The following SGPP1 variants were observed in gnomAD, a reference collection of about 807,000 sequenced individuals.
SGPP1 encodes sphingosine-1-phosphate phosphatase 1.
SGPP1 carries 21 observed loss-of-function variants against 33.0 expected under a neutral mutation model. The observed-to-expected ratio is 0.64, with a 90% confidence interval of 0.45 to 0.92. SGPP1 has a LOEUF of 0.92. Among genes scored for constraint, SGPP1 ranks in the 40% least tolerant of loss-of-function variants. SGPP1 has a pLI of 0.00. For missense variants in SGPP1, 543 were observed against 589.4 expected (o/e 0.92, Z 0.81); for synonymous variants, 239 against 241.2 (o/e 0.99, Z 0.08).
At chr14:63,688,846 C>G (rs552186712) in intron 2 of SGPP1, among the ~76,000 whole-genome samples, 4 of 151,904 alleles carry the variant, frequency 2.6e-5, no homozygotes, top group Admixed American at 1.3e-4. Flanking sequence ...CTCGGCCTCC[C>G]GAGTAGCTGG....
Position 63,719,749 on chromosome 14 carries a change from A to G in SGPP1, c.684+7512T>C, listed in dbSNP as rs555818884. 3.4e-3 allele frequency among the ~76,000 whole-genome samples: 510 copies of G among 151,934 alleles called. 5 individuals are homozygous for G. Among genetic ancestry groups the G allele is most frequent in the African/African-American group, 0.011 (459 of 41,456 alleles). On this transcript the variant is annotated intron_variant, in intron 1 of 2. Transcript: ENST00000247225. ...TCCCTCTCTCTCTCTATATATATAT[A>G]GAATTAATTTATGTAAGGCATTTTT... is the stretch of plus-strand genomic sequence containing the variant.
chr14:63,726,568 T>C (rs1885884524), intron 1 of SGPP1, among the ~76,000 whole-genome samples: 2 of 152,224 alleles, frequency 1.3e-5, no homozygotes, highest in African/African-American at 4.8e-5. Flanking sequence ...CATGCATTTT[T>C]AGAGTTAATG....
At chr14:63,697,481 CATG>C (rs150665861) in intron 2 of SGPP1, among the ~76,000 whole-genome samples, 1,694 of 152,232 alleles carry the variant, frequency 0.011, 34 homozygotes, top group African/African-American at 0.038. Context: ...CCTTTATCTC[CATG>C]ATAATACATA....
intron 1 of SGPP1, among the ~76,000 whole-genome samples, chr14:63,717,760 GA>G (rs1555333327): frequency 6.6e-6 from 1 of 152,050 alleles, no homozygotes; most frequent in Non-Finnish European, 1.5e-5. Flanking sequence ...CAAAGCAGAA[GA>G]AATACAAAGA....
intron 1 of SGPP1, among the ~76,000 whole-genome samples, chr14:63,711,116 C>T (rs566947103): frequency 1.6e-3 from 247 of 151,280 alleles, no homozygotes; most frequent in Non-Finnish European, 3.2e-3. Context: ...CGGGTTCAAG[C>T]GATTCTCCTG....
rs779594886 is a variant in SGPP1, at chr14:63,727,959, CG to C, written c.-16del. Reference sequence around the variant, plus strand: ...CTCAGCGACATGATAACGGAACCCCCGGGAAGGCGGGCCGGCCTCCGGCGCA... The same window carrying C: ...CTCAGCGACATGATAACGGAACCCCCGGAAGGCGGGCCGGCCTCCGGCGCA... On this transcript the variant is annotated 5_prime_UTR_variant, in exon 1 of 3. Coordinates refer to ENST00000247225, the MANE Select transcript of SGPP1 (RefSeq NM_030791.4). The C allele has an allele frequency of 2.0e-6, 3 of 1,538,110 alleles. No individual in the cohort carries two copies. The highest frequency in any genetic ancestry group is 1.2e-5 in the South Asian group (1 of 85,024).
At chr14:63,707,557 T>C (rs1409141611) in intron 1 of SGPP1, among the ~76,000 whole-genome samples, 1 of 150,416 alleles carries the variant, frequency 6.6e-6, no homozygotes, top group African/African-American at 2.5e-5. Flanking sequence ...TTTTTTGAGA[T>C]GGAGTTTCTC....
In SGPP1 at chr14:63,686,291, T is replaced by G; in HGVS notation, c.1140A>C (p.Arg380Ser). The G allele has an allele frequency of 6.2e-7, 1 of 1,614,154 alleles. No homozygotes were observed. The highest frequency in any genetic ancestry group is 1.1e-5 in the South Asian group (1 of 91,076). The stretch of plus-strand genomic sequence containing the variant: ...GAATGGTGATCTTTTTCATTACATC[T>G]CTGATTATTAGTACAAATACCATCC... ...LIGMVFVLII[R>S]DVMKKITIPL... The change falls in exon 3 of 3, where the codon AGA becomes AGC. Residue 380 changes from arginine (R) to serine (S), a missense_variant. By Grantham distance (110) the Arg-to-Ser change is moderately radical (BLOSUM62 -1). Coordinates refer to ENST00000247225, the MANE Select transcript of SGPP1 (RefSeq NM_030791.4).
At chr14:63,713,233 C>A (rs1330352198) in intron 1 of SGPP1, among the ~76,000 whole-genome samples, 1 of 152,188 alleles carries the variant, frequency 6.6e-6, no homozygotes, top group Admixed American at 6.5e-5. Context: ...CCAAATCTGA[C>A]CCACTTTCAT....
intron 2 of SGPP1, among the ~76,000 whole-genome samples, chr14:63,691,079 T>C (rs1008530811): frequency 6.6e-6 from 1 of 152,254 alleles, no homozygotes; most frequent in Non-Finnish European, 1.5e-5. Flanking sequence ...TCTCCTATTG[T>C]ACAATAGTAA....
At chr14:63,699,099 C>G (rs1490755499) in intron 1 of SGPP1, among the ~76,000 whole-genome samples, 1 of 152,214 alleles carries the variant, frequency 6.6e-6, no homozygotes, top group Admixed American at 6.5e-5. Context: ...TCATCAGTGA[C>G]TGCTATCTCC....
At chr14:63,720,963 A>G (rs1029175014) in intron 1 of SGPP1, among the ~76,000 whole-genome samples, 1 of 152,024 alleles carries the variant, frequency 6.6e-6, no homozygotes, top group African/African-American at 2.4e-5. Flanking sequence ...GGTTCAAGCA[A>G]CCTCTGCCTC....
chr14:63,723,875 T>G (rs1338868418), intron 1 of SGPP1, among the ~76,000 whole-genome samples: 2 of 152,088 alleles, frequency 1.3e-5, no homozygotes, highest in African/African-American at 4.8e-5. Flanking sequence ...ACCCCGAGTT[T>G]GTACGCTGTC....
rs921395123 is a variant in SGPP1 at position 63,686,164 on chromosome 14, C to G, written c.1267G>C (p.Val423Leu). ...LPYRYITYGM[V>L]GFSITFFVPY... ...ACAAAAAATGTGATGGAGAAACCAA[C>G]CATTCCATAGGTAATATACCGATAA... The change falls in exon 3 of 3, where the codon GTT (valine) becomes CTT (leucine). Residue 423 changes from valine (V) to leucine (L), a missense_variant. Transcript: ENST00000247225. The G allele has an allele frequency of 6.2e-7, 1 of 1,611,220 alleles. No individual in the cohort carries two copies. Among genetic ancestry groups the G allele is most frequent in the Non-Finnish European group, 8.5e-7 (1 of 1,178,984 alleles).
intron 1 of SGPP1, among the ~76,000 whole-genome samples, chr14:63,706,285 G>A (rs1317831684): frequency 6.6e-6 from 1 of 152,132 alleles, no homozygotes; most frequent in Non-Finnish European, 1.5e-5. Flanking sequence ...AGAGAAACGG[G>A]GAGCCAAATG....
Position 63,685,320 on chromosome 14 carries a change from C to A in SGPP1, c.*785G>T, listed in dbSNP as rs1884947698. 1 of 152,388 alleles carries A rather than the reference C, an allele frequency of 6.6e-6. No homozygotes were observed. The highest frequency in any genetic ancestry group is 2.4e-5 in the African/African-American group (1 of 41,402). The allele number at this position is 152,388 out of a possible 1,614,324, so 9.4% of individuals were successfully genotyped here. Reference sequence around the variant, plus strand: ...AAGTTAATGTCTTATTTTTACATCACAGTACACATAGCATTTCTTAATTTA... The same window carrying A: ...AAGTTAATGTCTTATTTTTACATCAAAGTACACATAGCATTTCTTAATTTA... On this transcript the variant is annotated 3_prime_UTR_variant, in exon 3 of 3. Coordinates refer to ENST00000247225, the MANE Select transcript of SGPP1 (RefSeq NM_030791.4).
chr14:63,712,186 TTTTC>T (rs917705566), intron 1 of SGPP1, among the ~76,000 whole-genome samples: 2 of 150,582 alleles, frequency 1.3e-5, no homozygotes, highest in Non-Finnish European at 2.9e-5. Context: ...AACATTAGCT[TTTTC>T]TTTTTTTAAT....
At chr14:63,719,006 ATATATATATTTTTTTTTTTTTTTT>A (rs1445030363) in intron 1 of SGPP1, among the ~76,000 whole-genome samples, 9 of 25,138 alleles carry the variant, frequency 3.6e-4, no homozygotes, top group African/African-American at 1.9e-3. Context: ...ATATATATAT[ATATATATATTTTTTTTTTTTTTTT>A]TTTTTTTTTT....
intron 2 of SGPP1, among the ~76,000 whole-genome samples, chr14:63,696,428 T>C (rs1885187264): frequency 6.6e-6 from 1 of 152,260 alleles, no homozygotes; most frequent in South Asian, 2.1e-4. Context: ...ATTCACTTTT[T>C]ATCACTAAAG....
Sources: gnomAD v4.1 joint callset for allele counts (sites outside exome capture counted in the v4.1 genomes callset) on GRCh38, gnomAD v4.1.1 for gene constraint, MANE v1.5 for transcripts, NCBI Gene and HGNC (gene_info 2026-07-23, HGNC 2026-07-21) for gene names.